PDE4B: variants seen among roughly 807,000 people sequenced by gnomAD.
The protein encoded by PDE4B is 3',5'-cyclic-AMP phosphodiesterase 4B.
A neutral mutation model predicts 82.2 loss-of-function variants in PDE4B; 20 were observed. The ratio of observed to expected loss-of-function variants is 0.24; its 90% CI spans 0.17 to 0.35. The LOEUF (loss-of-function observed/expected upper bound fraction) is 0.35, where lower values mean the gene tolerates loss of function less well. PDE4B is among the 10% of genes least tolerant of loss of function. PDE4B has a pLI of 1.00. For synonymous variants in PDE4B, 320 were observed against 318.9 expected (o/e 1.00, Z -0.04); for missense variants, 655 against 907.2 (o/e 0.72, Z 3.57).
At chr1:66,004,471 G>T (rs1232656966) in intron 3 of PDE4B, among the ~76,000 whole-genome samples, 3 of 151,968 alleles carry the variant, frequency 2.0e-5, no homozygotes, top group Admixed American at 6.6e-5. Flanking sequence ...ATGTGTTATG[G>T]TGTGTAATCA....
At chr1:66,274,149 T>A (rs940683150) in intron 7 of PDE4B, among the ~76,000 whole-genome samples, 3 of 151,404 alleles carry the variant, frequency 2.0e-5, no homozygotes, top group Non-Finnish European at 4.4e-5. Context: ...ACTTTTCTTG[T>A]CTGAAAAATG....
chr1:66,240,326 G>C (rs1430557065), intron 3 of PDE4B, among the ~76,000 whole-genome samples: 3 of 152,186 alleles, frequency 2.0e-5, no homozygotes, highest in East Asian at 3.8e-4. Context: ...TTAAAAATAA[G>C]AAAAAGATTC....
intron 3 of PDE4B, among the ~76,000 whole-genome samples, chr1:66,126,617 A>C (rs1645829289): frequency 1.3e-5 from 2 of 152,234 alleles, no homozygotes; most frequent in South Asian, 4.1e-4. Flanking sequence ...AGTTTCAGTT[A>C]ATAAATAAAT....
intron 1 of PDE4B, among the ~76,000 whole-genome samples, chr1:65,831,191 T>G (rs1398319723): frequency 1.3e-5 from 2 of 151,920 alleles, no homozygotes; most frequent in South Asian, 2.1e-4. Flanking sequence ...TAATAAAGAT[T>G]AGAGCAGAGG....
intron 1 of PDE4B, among the ~76,000 whole-genome samples, chr1:65,861,278 T>C (rs1194513898): frequency 6.6e-6 from 1 of 152,208 alleles, no homozygotes; most frequent in African/African-American, 2.4e-5. Context: ...CTAGTGAGTT[T>C]TCTCAGCACC....
intron 6 of PDE4B, 41 bp from the exon 7 acceptor site, chr1:66,265,997 T>A: frequency 1.9e-6 from 3 of 1,546,972 alleles, no homozygotes; most frequent in Non-Finnish European, 2.7e-6. Flanking sequence ...ATGGGCAGTT[T>A]TGATACACAG....
chr1:66,233,811 G>A (rs1386050174), intron 3 of PDE4B, among the ~76,000 whole-genome samples: 1 of 152,104 alleles, frequency 6.6e-6, no homozygotes, highest in Non-Finnish European at 1.5e-5. Flanking sequence ...TTAGCATGGA[G>A]AACTACATTG....
chr1:66,162,095 A>G (rs1487612315), intron 3 of PDE4B, among the ~76,000 whole-genome samples: 1 of 152,064 alleles, frequency 6.6e-6, no homozygotes, highest in Non-Finnish European at 1.5e-5. Flanking sequence ...CAGAAAAAAA[A>G]AAGTCACCTA....
chr1:65,814,118 A>G (rs924112457), intron 1 of PDE4B, among the ~76,000 whole-genome samples: 1 of 152,094 alleles, frequency 6.6e-6, no homozygotes, highest in African/African-American at 2.4e-5. Flanking sequence ...CTTGACAGAA[A>G]ATTCAGTCGT....
chr1:66,053,450 C>G (rs1369852203), intron 3 of PDE4B, among the ~76,000 whole-genome samples: 1 of 152,136 alleles, frequency 6.6e-6, no homozygotes, highest in South Asian at 2.1e-4. Flanking sequence ...TTAACTATTT[C>G]TTTGAACAAC....
chr1:66,083,509 G>C (rs1280286379), intron 3 of PDE4B, among the ~76,000 whole-genome samples: 2 of 152,024 alleles, frequency 1.3e-5, no homozygotes, highest in African/African-American at 2.4e-5. Context: ...ATAAAACCAA[G>C]ATTCTTCATA....
At chr1:66,001,619 A>T (rs1459792396) in intron 3 of PDE4B, among the ~76,000 whole-genome samples, 1 of 152,202 alleles carries the variant, frequency 6.6e-6, no homozygotes, top group African/African-American at 2.4e-5. Context: ...ATAAACATTC[A>T]TGTATGGTTT....
intron 3 of PDE4B, among the ~76,000 whole-genome samples, chr1:66,114,750 C>T (rs1032398939): frequency 1.1e-4 from 17 of 150,632 alleles, no homozygotes; most frequent in African/African-American, 3.9e-4. Flanking sequence ...ATTCTCCTGC[C>T]TCAGCCTCCC....
chr1:66,195,272 C>T (rs2101497436), intron 3 of PDE4B, among the ~76,000 whole-genome samples: 1 of 152,270 alleles, frequency 6.6e-6, no homozygotes, highest in East Asian at 1.9e-4. Flanking sequence ...TTTTCCAGAG[C>T]TTCCATGACC....
chr1:65,889,095 G>C (rs142950454), intron 1 of PDE4B, among the ~76,000 whole-genome samples: 166 of 152,114 alleles, frequency 1.1e-3, no homozygotes, highest in Non-Finnish European at 2.1e-3. Context: ...CCCTCATTTT[G>C]TTGAGGTATG....
chr1:65,862,994 C>T (rs535872466), intron 1 of PDE4B, among the ~76,000 whole-genome samples: 94 of 152,206 alleles, frequency 6.2e-4, no homozygotes, highest in African/African-American at 2.2e-3. Context: ...TTTCAAAAAA[C>T]CAGCTCCTGG....
chr1:66,034,391 A>G (rs1174001507), intron 3 of PDE4B, among the ~76,000 whole-genome samples: 3 of 152,226 alleles, frequency 2.0e-5, no homozygotes, highest in Non-Finnish European at 1.5e-5. Context: ...ATTTAAGTAG[A>G]AAAAGAACTA....
Position 65,829,355 on chromosome 1 carries a change from A to G in PDE4B, c.-71+36107A>G, listed in dbSNP as rs376850066. Among the ~76,000 whole-genome samples, 6 of 152,338 alleles carry G rather than the reference A, an allele frequency of 3.9e-5. No individual in the cohort carries two copies. In the East Asian group the frequency reaches 5.8e-4, roughly 15 times the overall value. ...AAGAGATAGAAACAAATTTACAATTATAATTACAAACTTCAACACTCCTTT... is the reference window on the plus strand; with the variant it reads ...AAGAGATAGAAACAAATTTACAATTGTAATTACAAACTTCAACACTCCTTT... On this transcript the variant is annotated intron_variant, in intron 1 of 16. Transcript: ENST00000341517.
chr1:66,311,308 A>G (rs1246743799), intron 7 of PDE4B, among the ~76,000 whole-genome samples: 1 of 152,248 alleles, frequency 6.6e-6, no homozygotes, highest in Non-Finnish European at 1.5e-5. Context: ...TAGCATTGCT[A>G]TGAGGATAAT....
Sources: gnomAD v4.1 joint callset for allele counts (sites outside exome capture counted in the v4.1 genomes callset) on GRCh38, gnomAD v4.1.1 for gene constraint, MANE v1.5 for transcripts, NCBI Gene and HGNC (gene_info 2026-07-23, HGNC 2026-07-21) for gene names.